Variants in CEP85 observed in about 807,000 individuals in gnomAD.
CEP85 encodes the protein centrosomal protein of 85 kDa.
CEP85 carries 58 observed loss-of-function variants against 93.7 expected under a neutral mutation model. That is an observed-to-expected ratio of 0.62 (90% CI 0.50 to 0.77). The LOEUF (loss-of-function observed/expected upper bound fraction) is 0.77. Ranked by LOEUF, CEP85 falls within the 30% of genes least tolerant of loss-of-function variation. The pLI, the probability that CEP85 is intolerant of heterozygous loss-of-function variation, is 0.00. For synonymous variants in CEP85, 314 were observed against 338.6 expected (o/e 0.93, Z 0.80); for missense variants, 868 against 922.0 (o/e 0.94, Z 0.76).
Position 26,257,076 on chromosome 1 carries a change from G to A in CEP85, c.904-521G>A, listed in dbSNP as rs190414012. 1.9e-4 allele frequency among the ~76,000 whole-genome samples: 29 copies of A among 152,052 alleles called. No homozygotes were observed. In the East Asian group the frequency reaches 4.5e-3, roughly 23 times the overall value. On this transcript the variant is annotated intron_variant, in intron 4 of 13. Transcript: ENST00000451429. ...CTCCTGAGTAGCTAGGACCACAGGCGCATGCCACCACGCCTGGCTAATTTT... is the reference window on the plus strand; with the variant it reads ...CTCCTGAGTAGCTAGGACCACAGGCACATGCCACCACGCCTGGCTAATTTT...
At chr1:26,276,222 GAT>G (rs2090050870) in intron 12 of CEP85, among the ~76,000 whole-genome samples, 1 of 152,176 alleles carries the variant, frequency 6.6e-6, no homozygotes, top group African/African-American at 2.4e-5. Flanking sequence ...ACTGGCTTGA[GAT>G]AGAGTTCCTA....
intron 11 of CEP85, among the ~76,000 whole-genome samples, chr1:26,273,827 G>T (rs1472569708): frequency 6.6e-6 from 1 of 151,858 alleles, no homozygotes; most frequent in African/African-American, 2.4e-5. Context: ...AACCTGGGAG[G>T]TGGAGGTTGC....
At chr1:26,276,899 T>A in intron 13 of CEP85, 139 bp downstream of exon 13, 1 of 835,798 alleles carries the variant, frequency 1.2e-6, no homozygotes, top group Non-Finnish European at 1.9e-6. Flanking sequence ...GACATTTATT[T>A]GTTTCACAAA....
Position 26,255,457 on chromosome 1 carries a change from T to C in CEP85, c.495T>C (p.Phe165=). 6.2e-7 allele frequency: 1 copy of C among 1,614,134 alleles called. No homozygotes were observed. Among genetic ancestry groups the C allele is most frequent in the East Asian group, 2.2e-5 (1 of 44,878 alleles). ...TGENGIEQSW[F]PAVGHERQEE... ...AAAATGGAATTGAGCAGTCCTGGTT[T>C]CCAGCAGTGGGCCATGAAAGACAAG... is the stretch of plus-strand genomic sequence containing the variant. The change falls in exon 4 of 14, where the codon TTT becomes TTC. Residue 165 remains phenylalanine, a synonymous_variant. Transcript: ENST00000451429.
chr1:26,235,564 A>ATT (rs1185542130), intron 1 of CEP85, among the ~76,000 whole-genome samples: 9 of 69,536 alleles, frequency 1.3e-4, no homozygotes, highest in South Asian at 3.6e-4. Context: ...TTAGATTGTA[A>ATT]TTCTTTTTTT....
chr1:26,240,905 A>C (rs1378393475), intron 2 of CEP85, among the ~76,000 whole-genome samples: 3 of 152,118 alleles, frequency 2.0e-5, no homozygotes, highest in African/African-American at 7.2e-5. Flanking sequence ...CTCAAAAAAA[A>C]AAAGGGGAAA....
rs1375303683 is a variant in CEP85, at chr1:26,271,035, G to T, written c.1671G>T (p.Val557=). The change falls in exon 10 of 14, where the codon GTG becomes GTT. Residue 557 remains valine, a synonymous_variant. Transcript: ENST00000451429. The part of the protein sequence containing the change: ...AGHSLQDKQS[V]EETSGEGPEV... ...TCAGCCTGCAAGATAAACAGTCTGT[G>T]GAGGAGACCAGTGGAGAAGGTCCAG... 3.7e-6 allele frequency: 6 copies of T among 1,612,564 alleles called. No homozygotes were observed. The highest frequency in any genetic ancestry group is 1.3e-5 in the African/African-American group (1 of 75,042).
chr1:26,258,183 G>C lies in CEP85; in HGVS notation c.1078G>C (p.Glu360Gln). The change falls in exon 6 of 14, where the codon GAG (glutamate) becomes CAG (glutamine). Residue 360 changes from glutamate (E) to glutamine (Q), a missense_variant. Coordinates refer to ENST00000451429, the MANE Select transcript of CEP85 (RefSeq NM_001319944.2). ...HISQLEQKVR[E>Q]SELQVHSALL... ...CTCTCAGCTGGAGCAGAAAGTGCGA[G>C]AGAGCGAACTGCAAGTCCACAGTGC... 1 of 1,614,180 alleles carries C rather than the reference G, an allele frequency of 6.2e-7. No homozygotes were observed. The highest frequency in any genetic ancestry group is 2.2e-5 in the East Asian group (1 of 44,880).
At chr1:26,276,019 CCCCCCACCTAGTGGCTA>C (rs2090048086) in intron 12 of CEP85, among the ~76,000 whole-genome samples, 1 of 152,174 alleles carries the variant, frequency 6.6e-6, no homozygotes, top group African/African-American at 2.4e-5. Flanking sequence ...GCTTCTCCAG[CCCCCCACCTAGTGGCTA>C]CTAGCTGTCA....
chr1:26,275,210 G>A, intron 12 of CEP85, 139 bp downstream of exon 12: 2 of 615,040 alleles, frequency 3.3e-6, no homozygotes, highest in Admixed American at 3.0e-5. Flanking sequence ...GCAGAGGAAA[G>A]GTGCATTGCA....
Position 26,255,672 on chromosome 1 carries a change from G to A in CEP85, c.710G>A (p.Arg237Gln), listed in dbSNP as rs779280111. ...CCGGGCAGCGGGGCAGTGTTTGAGC[G>A]GAATGGACCACATTCTAATAGCAGT... ...KAPGSGAVFERNGPHSNSSGV... is the reference protein window; with the variant it reads ...KAPGSGAVFEQNGPHSNSSGV... The change falls in exon 4 of 14, where the codon CGG becomes CAG. Residue 237 changes from arginine (R) to glutamine (Q), a missense_variant. Coordinates refer to ENST00000451429, the MANE Select transcript of CEP85 (RefSeq NM_001319944.2). 7.4e-6 allele frequency: 12 copies of A among 1,613,946 alleles called. No homozygotes were observed. Among genetic ancestry groups the A allele is most frequent in the Middle Eastern group, 3.3e-4 (2 of 6,084 alleles).
Position 26,269,444 on chromosome 1 carries a change from G to A in CEP85, c.1495-16G>A. The stretch of plus-strand genomic sequence containing the variant: ...ACTTGGCTTATTTGACCTAAACATG[G>A]GATCCTGTCTCTCAGCTTAAGGATT... On this transcript the variant is annotated splice_polypyrimidine_tract_variant and intron_variant, in intron 8 of 13. Transcript: ENST00000451429. The A allele has an allele frequency of 6.2e-7, 1 of 1,612,082 alleles. No homozygotes were observed.
intron 1 of CEP85, among the ~76,000 whole-genome samples, chr1:26,238,752 C>A (rs2089371157): frequency 6.6e-6 from 1 of 152,126 alleles, no homozygotes; most frequent in Non-Finnish European, 1.5e-5. Flanking sequence ...GGTTACACAG[C>A]TAATAAATTG....
intron 4 of CEP85, among the ~76,000 whole-genome samples, chr1:26,256,927 TG>T (rs1553159975): frequency 1.6e-3 from 29 of 17,802 alleles, no homozygotes; most frequent in Non-Finnish European, 2.5e-3. Context: ...TGTTTTGTTT[TG>T]GTGTGTGTGT....
At chr1:26,250,681 ACTTTT>A (rs1385621595) in intron 3 of CEP85, among the ~76,000 whole-genome samples, 1 of 152,128 alleles carries the variant, frequency 6.6e-6, no homozygotes, top group Non-Finnish European at 1.5e-5. Context: ...GTCAGTTGGT[ACTTTT>A]CTTCTTGGCT....
chr1:26,238,276 C>T (rs2089362207), intron 1 of CEP85, among the ~76,000 whole-genome samples: 1 of 122,978 alleles, frequency 8.1e-6, no homozygotes, highest in Non-Finnish European at 1.6e-5. Context: ...TCTTGGCTCA[C>T]TGCAGCCTCC....
At chr1:26,268,462 A>C in intron 7 of CEP85, 21 bp from the exon 8 acceptor site, 1 of 1,614,028 alleles carries the variant, frequency 6.2e-7, no homozygotes, top group Non-Finnish European at 8.5e-7. Flanking sequence ...GTGGAGACAG[A>C]CTTGACATTT....
intron 2 of CEP85, among the ~76,000 whole-genome samples, chr1:26,240,931 A>G (rs1230456449): frequency 6.6e-6 from 1 of 151,938 alleles, no homozygotes; most frequent in East Asian, 1.9e-4. Flanking sequence ...GAAACCATGG[A>G]TATGGAGAGC....
At chr1:26,263,224 C>T in intron 7 of CEP85, 1 of 304,436 alleles carries the variant, frequency 3.3e-6, no homozygotes, top group Non-Finnish European at 6.4e-6. Flanking sequence ...GAAATACCCA[C>T]CTCTGCTGTG....
Sources: allele counts gnomAD v4.1 joint callset (sites outside exome capture counted in the v4.1 genomes callset), GRCh38; gene constraint gnomAD v4.1.1; transcripts MANE v1.5; gene names NCBI Gene and HGNC (gene_info 2026-07-23, HGNC 2026-07-21).